The following BTNL3 variants were observed in gnomAD, a reference collection of about 807,000 sequenced individuals.
The protein encoded by BTNL3 is butyrophilin-like protein 3.
BTNL3 carries 20 observed loss-of-function variants against 40.1 expected under a neutral mutation model. The ratio of observed to expected loss-of-function variants is 0.50; its 90% CI spans 0.35 to 0.72. The LOEUF (loss-of-function observed/expected upper bound fraction) is 0.72, where lower values mean the gene tolerates loss of function less well. BTNL3 is among the 30% of genes least tolerant of loss of function. The probability of loss-of-function intolerance (pLI) is 0.01; values close to 1 mark genes in which losing one functional copy is unlikely to be tolerated. For synonymous variants in BTNL3, 179 were observed against 222.1 expected (o/e 0.81, Z 1.73); for missense variants, 449 against 582.2 (o/e 0.77, Z 2.35).
rs1426484412 is a variant in BTNL3, at chr5:180,998,571, A to T, written c.673+1083A>T. Among the ~76,000 whole-genome samples, 5 of 137,058 alleles carry T rather than the reference A, an allele frequency of 3.6e-5. 1 individual carries two copies. The East Asian group carries it at 1.1e-3, about 29-fold the overall frequency. The allele number at this position is 137,058 out of a possible 152,430, so 89.9% of individuals were successfully genotyped here. A position where few individuals can be genotyped will look rare whatever the true frequency, so the allele number is the denominator to read the frequency against. On this transcript the variant is annotated intron_variant, in intron 3 of 7. Transcript: ENST00000342868. Reference sequence around the variant, plus strand: ...GAACTTTTATAAAATTTTACCAGATATAAACACATACAATGGTTTTAAGAA... The same window carrying T: ...GAACTTTTATAAAATTTTACCAGATTTAAACACATACAATGGTTTTAAGAA...
rs201822700 is a variant in BTNL3 at position 181,005,694 on chromosome 5, G to T, written c.1223G>T (p.Gly408Val). Reference protein sequence around the residue: ...LPPSTPPTRVGVFLDYEGGTI... With the variant: ...LPPSTPPTRVVVFLDYEGGTI... ...CCCAGCACCCCTCCTACACGAGTAG[G>T]GGTCTTCCTGGACTATGAGGGTGGG... Residue 408 changes from glycine (G) to valine (V), a missense_variant, in exon 8 of 8, where the codon GGG (glycine) becomes GTG (valine). This residue lies in a region of BTNL3 where 126 missense variants were observed against 117.2 expected (regional missense o/e 1.07). Transcript: ENST00000342868. 6.2e-7 allele frequency: 1 copy of T among 1,613,936 alleles called. No individual in the cohort carries two copies. The highest frequency in any genetic ancestry group is 8.5e-7 in the Non-Finnish European group (1 of 1,180,010).
intron 3 of BTNL3, among the ~76,000 whole-genome samples, chr5:181,001,079 G>A (rs1282154572): frequency 5.9e-5 from 8 of 136,096 alleles, no homozygotes; most frequent in Non-Finnish European, 1.0e-4. Context: ...GGAATCCATC[G>A]TGTTCATGAA....
intron 4 of BTNL3, among the ~76,000 whole-genome samples, chr5:181,003,349 G>A (rs1363135622): frequency 7.4e-6 from 1 of 135,530 alleles, no homozygotes; most frequent in East Asian, 2.2e-4. Context: ...ATCAGCCTGG[G>A]CAACAGAGTG....
intron 1 of BTNL3, among the ~76,000 whole-genome samples, chr5:180,991,257 A>G (rs1759968301): frequency 7.2e-6 from 1 of 137,996 alleles, no homozygotes; most frequent in South Asian, 2.1e-4. Context: ...TTTCAGCAAG[A>G]TTTATAAAAT....
intron 2 of BTNL3, among the ~76,000 whole-genome samples, chr5:180,996,171 T>C (rs1042151486): frequency 1.5e-5 from 2 of 136,588 alleles, no homozygotes; most frequent in African/African-American, 2.5e-5. Context: ...AGAGGTACTT[T>C]TGCATATTTC....
rs962221443 is a variant in BTNL3 at position 181,006,004 on chromosome 5, T to C, written c.*132T>C. 1 of 1,053,506 alleles carries C rather than the reference T, an allele frequency of 9.5e-7. No individual in the cohort carries two copies. The highest frequency in any genetic ancestry group is 1.8e-5 in the South Asian group (1 of 56,082). The allele number at this position is 1,053,506 out of a possible 1,614,324, so 65.3% of individuals were successfully genotyped here. A position where few individuals can be genotyped will look rare whatever the true frequency, so the allele number is the denominator to read the frequency against. Reference sequence around the variant, plus strand: ...AGAGAGTCACGCCCCCCACTCTCCTTTAGGGAGCTGAGGTTCTTCTGCCCT... The same window carrying C: ...AGAGAGTCACGCCCCCCACTCTCCTCTAGGGAGCTGAGGTTCTTCTGCCCT... On this transcript the variant is annotated 3_prime_UTR_variant, in exon 8 of 8. Coordinates refer to ENST00000342868, the MANE Select transcript of BTNL3 (RefSeq NM_197975.3).
intron 7 of BTNL3, among the ~76,000 whole-genome samples, chr5:181,005,067 C>T: frequency 6.6e-6 from 1 of 152,084 alleles, no homozygotes; most frequent in Admixed American, 6.5e-5. Context: ...GAAGCTGAAT[C>T]CTGGAGTCAC....
At chr5:181,000,787 T>G (rs554301090) in intron 3 of BTNL3, among the ~76,000 whole-genome samples, 1 of 132,836 alleles carries the variant, frequency 7.5e-6, no homozygotes, top group African/African-American at 2.6e-5. Flanking sequence ...CAGTCCGGCC[T>G]GGGCGACAGA....
At position 180,990,274 on chromosome 5, in the gene BTNL3, C is replaced by T. The variant is rs534788168; in HGVS notation, c.49+1197C>T. ...CCTTTCTGTCTGCTTTCTGTTTCTG[C>T]ATGAGGCAGCAGGGCATGCTGGAAA... is the stretch of plus-strand genomic sequence containing the variant. On this transcript the variant is annotated intron_variant, in intron 1 of 7. Coordinates refer to ENST00000342868, the MANE Select transcript of BTNL3 (RefSeq NM_197975.3). 2.9e-5 allele frequency among the ~76,000 whole-genome samples: 4 copies of T among 138,010 alleles called. 2 individuals carry two copies. The East Asian group carries it at 8.5e-4, about 29-fold the overall frequency. The allele number at this position is 138,010 out of a possible 152,430, so 90.5% of individuals were successfully genotyped here.
chr5:180,997,482 A>G lies in BTNL3; in HGVS notation c.667A>G (p.Ile223Val). ...QSHEVESKVL[I>V]GETFFQPSPW... ...TCATGAGGTGGAATCCAAGGTATTG[A>G]TAGGAGGTGAGTGGGGAGAAGGAGG... is the stretch of plus-strand genomic sequence containing the variant. Residue 223 changes from isoleucine (I) to valine (V), a missense_variant, in exon 3 of 8, where the codon ATA becomes GTA. Around this residue, in one of 2 missense-constraint regions of BTNL3, gnomAD observed 323 missense variants for 464.9 expected, o/e 0.69. Coordinates refer to ENST00000342868, the MANE Select transcript of BTNL3 (RefSeq NM_197975.3). 2 of 1,463,606 alleles carry G rather than the reference A, an allele frequency of 1.4e-6. No individual in the cohort carries two copies. The highest frequency in any genetic ancestry group is 2.7e-5 in the African/African-American group (2 of 72,764). The allele number at this position is 1,463,606 out of a possible 1,614,324, so 90.7% of individuals were successfully genotyped here. A position where few individuals can be genotyped will look rare whatever the true frequency, so the allele number is the denominator to read the frequency against.
rs1456145958 is a variant in BTNL3 at position 180,992,020 on chromosome 5, G to A, written c.50-793G>A. ...CGTCCTGAGTCTCATGCAGCCCACAGGCTGTGGCTTGGACAAACTTTTGCT... is the reference window on the plus strand; with the variant it reads ...CGTCCTGAGTCTCATGCAGCCCACAAGCTGTGGCTTGGACAAACTTTTGCT... On this transcript the variant is annotated intron_variant, in intron 1 of 7. Coordinates refer to ENST00000342868, the MANE Select transcript of BTNL3 (RefSeq NM_197975.3). Among the ~76,000 whole-genome samples the A allele has an allele frequency of 1.5e-5, 2 of 137,754 alleles. 1 individual carries two copies. The highest frequency in any genetic ancestry group is 3.3e-5 in the Non-Finnish European group (2 of 60,198). The allele number at this position is 137,754 out of a possible 152,430, so 90.4% of individuals were successfully genotyped here.
Position 181,005,354 on chromosome 5 carries a change from G to C in BTNL3, c.883G>C (p.Glu295Gln). Residue 295 changes from glutamate (E) to glutamine (Q), a missense_variant, in exon 8 of 8, where the codon GAG (glutamate) becomes CAG (glutamine). By Grantham distance (29) the Glu-to-Gln change is conservative. This residue lies in a region of BTNL3 where 323 missense variants were observed against 464.9 expected (regional missense o/e 0.69). Coordinates refer to ENST00000342868, the MANE Select transcript of BTNL3 (RefSeq NM_197975.3). ...KHAVEVTLDP[E>Q]TAHPKLCVSD... ...CCCAGTGGAGGTGACTCTGGATCCA[G>C]AGACGGCTCACCCGAAGCTCTGCGT... 1 of 1,611,980 alleles carries C rather than the reference G, an allele frequency of 6.2e-7. No individual in the cohort carries two copies. The highest frequency in any genetic ancestry group is 1.3e-5 in the African/African-American group (1 of 74,932).
chr5:180,996,144 T>C lies in BTNL3; in HGVS notation c.398-1069T>C, dbSNP rs1760032832. On this transcript the variant is annotated intron_variant, in intron 2 of 7. Transcript: ENST00000342868. ...TAAAAGGCAATATTAAATCATAAAA[T>C]TGAAGTCAACCACATAAGAGGTACT... Among the ~76,000 whole-genome samples the C allele has an allele frequency of 2.2e-5, 3 of 136,822 alleles. 1 individual carries two copies. The highest frequency in any genetic ancestry group is 5.0e-5 in the Non-Finnish European group (3 of 59,802). The allele number at this position is 136,822 out of a possible 152,430, so 89.8% of individuals were successfully genotyped here.
chr5:180,991,311 C>T (rs1165509184), intron 1 of BTNL3, among the ~76,000 whole-genome samples: 1 of 137,486 alleles, frequency 7.3e-6, no homozygotes, highest in Admixed American at 7.6e-5. Context: ...TAAAAATATC[C>T]ACTTATCTGG....
intron 2 of BTNL3, among the ~76,000 whole-genome samples, chr5:180,994,945 C>T (rs1760016955): frequency 7.4e-6 from 1 of 134,986 alleles, no homozygotes; most frequent in Non-Finnish European, 1.7e-5. Flanking sequence ...GCCACCACGC[C>T]CGGCTAATTT....
chr5:181,001,499 A>ATG lies in BTNL3; in HGVS notation c.674-1172_674-1171dup, dbSNP rs1264826474. ...TTTTTAATTTTAAATATTTTTATAG[A>ATG]TGGGGGGGGGTCTCACTTTGTTGCC... On this transcript the variant is annotated intron_variant, in intron 3 of 7. Coordinates refer to ENST00000342868, the MANE Select transcript of BTNL3 (RefSeq NM_197975.3). Among the ~76,000 whole-genome samples, 486 of 83,306 alleles carry ATG rather than the reference A, an allele frequency of 5.8e-3. 55 individuals carry two copies. Among genetic ancestry groups the ATG allele is most frequent in the African/African-American group, 0.023 (456 of 19,566 alleles). 54.7% of individuals were successfully genotyped at this position (83,306 alleles called of 152,430 possible).
At position 181,000,532 on chromosome 5, in the gene BTNL3, C is replaced by A. The variant is rs1435418993; in HGVS notation, c.674-2140C>A. Among the ~76,000 whole-genome samples, 2 of 136,560 alleles carry A rather than the reference C, an allele frequency of 1.5e-5. 1 individual carries two copies. Among genetic ancestry groups the A allele is most frequent in the Non-Finnish European group, 3.3e-5 (2 of 59,824 alleles). The allele number at this position is 136,560 out of a possible 152,430, so 89.6% of individuals were successfully genotyped here. A position where few individuals can be genotyped will look rare whatever the true frequency, so the allele number is the denominator to read the frequency against. ...ATTTAAAATCATAACATAGGCCGGG[C>A]GCGGTGGCTCACGCCTGTAATCCCA... On this transcript the variant is annotated intron_variant, in intron 3 of 7. Coordinates refer to ENST00000342868, the MANE Select transcript of BTNL3 (RefSeq NM_197975.3).
chr5:180,999,791 C>A lies in BTNL3; in HGVS notation c.673+2303C>A, dbSNP rs1257481638. Among the ~76,000 whole-genome samples, 3 of 136,090 alleles carry A rather than the reference C, an allele frequency of 2.2e-5. 1 individual carries two copies. Among genetic ancestry groups the A allele is most frequent in the Non-Finnish European group, 5.0e-5 (3 of 59,688 alleles). The allele number at this position is 136,090 out of a possible 152,430, so 89.3% of individuals were successfully genotyped here. On this transcript the variant is annotated intron_variant, in intron 3 of 7. Coordinates refer to ENST00000342868, the MANE Select transcript of BTNL3 (RefSeq NM_197975.3). ...CTCCAGCCTGGGGGACAGAGTGAGACTTTGTCTCAAAAATTTTTAAAAAAG... is the reference window on the plus strand; with the variant it reads ...CTCCAGCCTGGGGGACAGAGTGAGAATTTGTCTCAAAAATTTTTAAAAAAG...
At chr5:180,992,358 A>G (rs1486844077) in intron 1 of BTNL3, among the ~76,000 whole-genome samples, 2 of 137,530 alleles carry the variant, frequency 1.5e-5, no homozygotes, top group Admixed American at 7.7e-5. Flanking sequence ...CCCAAATTCG[A>G]TATTTTATGG....
Sources: gnomAD v4.1 joint callset for allele counts (sites outside exome capture counted in the v4.1 genomes callset) on GRCh38, gnomAD v4.1.1 for gene constraint, gnomAD v4.1.1 regional missense constraint, MANE v1.5 for transcripts, NCBI Gene and HGNC (gene_info 2026-07-23, HGNC 2026-07-21) for gene names.